SLC29A4: variants seen among roughly 807,000 people sequenced by gnomAD.
SLC29A4 encodes equilibrative nucleoside transporter 4.
SLC29A4 carries 36 observed loss-of-function variants against 43.9 expected under a neutral mutation model. That is an observed-to-expected ratio of 0.82 (90% CI 0.63 to 1.08). The LOEUF is 1.08. SLC29A4 is among the 50% of genes least tolerant of loss of function. SLC29A4 has a pLI of 0.00. For synonymous variants in SLC29A4, 491 were observed against 338.0 expected, an observed-to-expected ratio of 1.45 and a Z score of -4.97; for missense variants, 869 against 755.3, an observed-to-expected ratio of 1.15 and a Z score of -1.77.
chr7:5,282,989 ACCGGCGGAGGACGCCGGGCGCGC>A lies in SLC29A4; in HGVS notation c.-96_-74del, dbSNP rs1360152880. On this transcript the variant is annotated 5_prime_UTR_variant, in exon 1 of 11. Transcript: ENST00000396872. Reference sequence around the variant, plus strand: ...GGACCGGGGCCGGGCGGACTCGGGGACCGGCGGAGGACGCCGGGCGCGCCCGGCCCGAGGCTGGGGGAGCGGGG... The same window carrying A: ...GGACCGGGGCCGGGCGGACTCGGGGACCGGCCCGAGGCTGGGGGAGCGGGG... 1 of 100,796 alleles carries A rather than the reference ACCGGCGGAGGACGCCGGGCGCGC, an allele frequency of 9.9e-6. No homozygotes were observed. The highest frequency in any genetic ancestry group is 2.0e-5 in the Non-Finnish European group (1 of 50,962). The allele number at this position is 100,796 out of a possible 1,614,324, so 6.2% of individuals were successfully genotyped here.
rs1786391518 is a variant in SLC29A4, at chr7:5,304,677, TTTGTC to T, written c.*1743_*1747del. The T allele has an allele frequency of 6.6e-6, 1 of 152,136 alleles. No homozygotes were observed. The highest frequency in any genetic ancestry group is 2.4e-5 in the African/African-American group (1 of 41,406). 9.4% of individuals were successfully genotyped at this position (152,136 alleles called of 1,614,324 possible). A position where few individuals can be genotyped will look rare whatever the true frequency, so the allele number is the denominator to read the frequency against. ...GGTACGCACCACCACACCTGGCTAA[TTTGTC>T]TTGTGGAGACCGGGTTTCACCATGT... On this transcript the variant is annotated 3_prime_UTR_variant, in exon 11 of 11. Transcript: ENST00000396872.
At chr7:5,294,978 C>T in intron 6 of SLC29A4, 44 bp downstream of exon 6, 3 of 1,541,912 alleles carry the variant, frequency 1.9e-6, no homozygotes, top group Non-Finnish European at 2.6e-6. Context: ...CTGGGCTGCC[C>T]TGGGCTCTGG....
rs756956559 is a variant in SLC29A4 at position 5,290,878 on chromosome 7, G to A, written c.301+15G>A. The A allele has an allele frequency of 3.2e-5, 51 of 1,599,516 alleles. No homozygotes were observed. Among genetic ancestry groups the A allele is most frequent in the African/African-American group, 1.3e-4 (10 of 74,690 alleles). On this transcript the variant is annotated intron_variant, in intron 3 of 10. Coordinates refer to ENST00000396872, the MANE Select transcript of SLC29A4 (RefSeq NM_153247.4). ...CAAGTACCCAGGTGGGTCCCTCCAC[G>A]GTCACGCCCAGCCACTCAGCATCCT...
intron 1 of SLC29A4, among the ~76,000 whole-genome samples, chr7:5,284,215 C>T (rs1287553899): frequency 6.6e-6 from 1 of 152,192 alleles, no homozygotes; most frequent in African/African-American, 2.4e-5. Flanking sequence ...AAGACCCCAC[C>T]TCTACAAAAA....
chr7:5,297,206 C>T lies in SLC29A4; in HGVS notation c.882+8C>T, dbSNP rs73332861. The T allele has an allele frequency of 3.6e-3, 5,639 of 1,575,652 alleles. 193 individuals carry two copies. The African/African-American group carries it at 0.067, about 19-fold the overall frequency. On this transcript the variant is annotated splice_region_variant and intron_variant, in intron 7 of 10. Transcript: ENST00000396872. Reference sequence around the variant, plus strand: ...GCCGGGGACGTCCACTTCGTAAGTGCGCACCGCCCACCTCTGTTCCCTTCT... The same window carrying T: ...GCCGGGGACGTCCACTTCGTAAGTGTGCACCGCCCACCTCTGTTCCCTTCT...
intron 10 of SLC29A4, 146 bp from the exon 11 acceptor site, chr7:5,302,651 G>A: frequency 4.0e-6 from 3 of 740,878 alleles, no homozygotes; most frequent in Non-Finnish European, 6.6e-6. Flanking sequence ...GATCCGGAGA[G>A]GGTGCTCCCA....
At chr7:5,299,453 C>T (rs375356184) in intron 9 of SLC29A4, 26 bp downstream of exon 9, 22 of 1,598,116 alleles carry the variant, frequency 1.4e-5, no homozygotes, top group South Asian at 5.6e-5. Context: ...TGCCCGGTGT[C>T]GGGGGACGCC....
chr7:5,287,587 G>A (rs542805352), intron 1 of SLC29A4, among the ~76,000 whole-genome samples: 2 of 152,334 alleles, frequency 1.3e-5, no homozygotes, highest in East Asian at 3.9e-4. Flanking sequence ...CCTTGCCTAA[G>A]GTCACACAGC....
At chr7:5,283,831 C>T (rs1294664443) in intron 1 of SLC29A4, among the ~76,000 whole-genome samples, 6 of 152,214 alleles carry the variant, frequency 3.9e-5, no homozygotes, top group African/African-American at 7.2e-5. Context: ...CGAGCCCAGG[C>T]CCGCTTTCCA....
At position 5,297,025 on chromosome 7, in the gene SLC29A4, G is replaced by C; in HGVS notation, c.709G>C (p.Val237Leu). The C allele has an allele frequency of 6.2e-7, 1 of 1,606,536 alleles. No homozygotes were observed. ...ERASTLIFFLVSVALELLCFL... is the reference protein window; with the variant it reads ...ERASTLIFFLLSVALELLCFL... ...CGCCAGCACGCTCATCTTCTTCCTG[G>C]TGTCGGTGGCGCTGGAGCTGCTGTG... The change falls in exon 7 of 11, where the codon GTG becomes CTG. Residue 237 changes from valine (V) to leucine (L), a missense_variant. Transcript: ENST00000396872.
rs758130454 is a variant in SLC29A4, at chr7:5,300,666, A to G, written c.1450+4A>G. 1 of 1,606,038 alleles carries G rather than the reference A, an allele frequency of 6.2e-7. No individual in the cohort carries two copies. Among genetic ancestry groups the G allele is most frequent in the South Asian group, 1.1e-5 (1 of 90,756 alleles). On this transcript the variant is annotated splice_donor_region_variant and intron_variant, in intron 10 of 10. Coordinates refer to ENST00000396872, the MANE Select transcript of SLC29A4 (RefSeq NM_153247.4). Reference sequence around the variant, plus strand: ...CCCAAGCAGCGGGAGCTGGCAGGTGAGGCCCGCGGGACGTGGGGGTGGGGG... The same window carrying G: ...CCCAAGCAGCGGGAGCTGGCAGGTGGGGCCCGCGGGACGTGGGGGTGGGGG...
Position 5,299,042 on chromosome 7 carries a change from C to T in SLC29A4, c.937C>T (p.His313Tyr), listed in dbSNP as rs1247444614. The T allele has an allele frequency of 1.7e-5, 27 of 1,612,240 alleles. No homozygotes were observed. Among genetic ancestry groups the T allele is most frequent in the Non-Finnish European group, 2.0e-5 (24 of 1,179,908 alleles). Residue 313 changes from histidine (H) to tyrosine (Y), a missense_variant, in exon 8 of 11, where the codon CAC (histidine) becomes TAC (tyrosine). By Grantham distance (83) the His-to-Tyr change is moderately conservative. Coordinates refer to ENST00000396872, the MANE Select transcript of SLC29A4 (RefSeq NM_153247.4). ...CGAGTCCCCAAAGGACAGCCCAGCCCACGAGGTGACCGGCAGCGGCGGGGC... is the reference window on the plus strand; with the variant it reads ...CGAGTCCCCAAAGGACAGCCCAGCCTACGAGGTGACCGGCAGCGGCGGGGC... Reference protein sequence around the residue: ...PNESPKDSPAHEVTGSGGAYM... With the variant: ...PNESPKDSPAYEVTGSGGAYM...
At chr7:5,286,101 C>A (rs1278829836) in intron 1 of SLC29A4, among the ~76,000 whole-genome samples, 2 of 152,186 alleles carry the variant, frequency 1.3e-5, no homozygotes, top group African/African-American at 4.8e-5. Flanking sequence ...CCACGGCTCT[C>A]CTTCATACTG....
intron 5 of SLC29A4, among the ~76,000 whole-genome samples, 157 bp downstream of exon 5, chr7:5,291,978 T>G (rs1785339064): frequency 6.6e-6 from 1 of 152,198 alleles, no homozygotes; most frequent in Admixed American, 6.5e-5. Flanking sequence ...GCACACCGGC[T>G]CACACCCACA....
At position 5,290,806 on chromosome 7, in the gene SLC29A4, C is replaced by T. The variant is rs764826674; in HGVS notation, c.244C>T (p.Leu82=). The T allele has an allele frequency of 1.2e-6, 2 of 1,614,096 alleles. No individual in the cohort carries two copies. Among genetic ancestry groups the T allele is most frequent in the South Asian group, 1.1e-5 (1 of 91,086 alleles). ...GATGCTGCTGGCTGGCGTGGGCTTC[C>T]TGCTGCCATACAACAGCTTCATCAC... ...FAMLLAGVGF[L]LPYNSFITDV... The change falls in exon 3 of 11, where the codon CTG becomes TTG. Residue 82 remains leucine, a synonymous_variant. Coordinates refer to ENST00000396872, the MANE Select transcript of SLC29A4 (RefSeq NM_153247.4).
chr7:5,287,822 C>T lies in SLC29A4; in HGVS notation c.6C>T (p.Gly2=). M[G]SVGSQRLEEP... Reference sequence around the variant, plus strand: ...TCTCCAAAGCAGAGGCTGCCATGGGCTCCGTGGGGAGCCAGCGCCTTGAGG... The same window carrying T: ...TCTCCAAAGCAGAGGCTGCCATGGGTTCCGTGGGGAGCCAGCGCCTTGAGG... Residue 2 remains glycine (G), a synonymous_variant, in exon 2 of 11, where the codon GGC becomes GGT. Coordinates refer to ENST00000396872, the MANE Select transcript of SLC29A4 (RefSeq NM_153247.4). The T allele has an allele frequency of 3.7e-6, 6 of 1,611,166 alleles. No homozygotes were observed. The highest frequency in any genetic ancestry group is 5.1e-6 in the Non-Finnish European group (6 of 1,179,696).
At chr7:5,286,283 G>C (rs1234592130) in intron 1 of SLC29A4, among the ~76,000 whole-genome samples, 1 of 152,104 alleles carries the variant, frequency 6.6e-6, no homozygotes, top group Non-Finnish European at 1.5e-5. Context: ...CTAGCACTTT[G>C]GGAGGCCGAG....
At chr7:5,283,286 C>T (rs999873291) in intron 1 of SLC29A4, among the ~76,000 whole-genome samples, 4 of 151,632 alleles carry the variant, frequency 2.6e-5, no homozygotes, top group Admixed American at 6.6e-5. Flanking sequence ...CAAGCGCGGA[C>T]CCGGACCCCT....
rs1346499674 is a variant in SLC29A4, at chr7:5,306,839, C to T, written c.*3900C>T. 6.6e-6 allele frequency: 1 copy of T among 151,060 alleles called. No homozygotes were observed. The highest frequency in any genetic ancestry group is 1.5e-5 in the Non-Finnish European group (1 of 67,854). 9.4% of individuals were successfully genotyped at this position (151,060 alleles called of 1,614,324 possible). On this transcript the variant is annotated 3_prime_UTR_variant, in exon 11 of 11. Coordinates refer to ENST00000396872, the MANE Select transcript of SLC29A4 (RefSeq NM_153247.4). Reference sequence around the variant, plus strand: ...TCTTTTTTTTTATGAAAAAAGATCACACAGAATTTGCCAACAAACAAAATT... The same window carrying T: ...TCTTTTTTTTTATGAAAAAAGATCATACAGAATTTGCCAACAAACAAAATT...
Sources: gnomAD v4.1 joint callset for allele counts (sites outside exome capture counted in the v4.1 genomes callset) on GRCh38, gnomAD v4.1.1 for gene constraint, MANE v1.5 for transcripts, NCBI Gene and HGNC (gene_info 2026-07-23, HGNC 2026-07-21) for gene names.